The following ZNF85 variants were observed in gnomAD, a reference collection of about 807,000 sequenced individuals.
The protein encoded by ZNF85 is zinc finger protein 85 (HPF4, HTF1).
A neutral mutation model predicts 53.9 loss-of-function variants in ZNF85; 50 were observed. That is an observed-to-expected ratio of 0.93 (90% CI 0.74 to 1.17). The LOEUF (loss-of-function observed/expected upper bound fraction) is 1.17. Ranked by LOEUF, ZNF85 falls within the 50% of genes most tolerant of loss-of-function variation. The pLI, the probability that ZNF85 is intolerant of heterozygous loss-of-function variation, is 0.00. For missense variants in ZNF85, 747 were observed against 688.5 expected (o/e 1.08, Z -0.95); for synonymous variants, 225 against 226.1 (o/e 1.00, Z 0.04).
At chr19:20,943,122 C>T (rs1390788278) in intron 3 of ZNF85, 2 of 375,416 alleles carry the variant, frequency 5.3e-6, no homozygotes, top group Non-Finnish European at 9.4e-6. Context: ...TAACAGAATA[C>T]ACAAGGTGCA....
chr19:20,939,633 T>C (rs1221563582), intron 3 of ZNF85, among the ~76,000 whole-genome samples: 1 of 152,198 alleles, frequency 6.6e-6, no homozygotes, highest in Non-Finnish European at 1.5e-5. Context: ...TGCAATTCTG[T>C]ATGTACACGT....
intron 3 of ZNF85, among the ~76,000 whole-genome samples, chr19:20,942,099 CTTTG>C (rs548196356): frequency 1.9e-3 from 283 of 151,804 alleles, no homozygotes; most frequent in Non-Finnish European, 3.0e-3. Flanking sequence ...CTACTCTGTT[CTTTG>C]TTTATCTGTT....
In ZNF85 at chr19:20,948,770, C is replaced by G. The variant is rs1273775236; in HGVS notation, c.256C>G (p.Leu86Val). ...TVMCSHFAQD[L>V]WPEQNIKDSF... ...TATGTGTTCTCATTTTGCCCAAGAC[C>G]TTTGGCCGGAGCAGAATATAAAAGA... The change falls in exon 4 of 4, where the codon CTT becomes GTT. Residue 86 changes from leucine (L) to valine (V), a missense_variant. By Grantham distance (32) the Leu-to-Val change is conservative. Coordinates refer to ENST00000328178, the MANE Select transcript of ZNF85 (RefSeq NM_003429.5). 14 of 1,581,844 alleles carry G rather than the reference C, an allele frequency of 8.9e-6. No homozygotes were observed. The African/African-American group carries it at 1.8e-4, about 20-fold the overall frequency.
chr19:20,930,096 G>C (rs1411580604), intron 1 of ZNF85, among the ~76,000 whole-genome samples: 1 of 143,202 alleles, frequency 7.0e-6, no homozygotes, highest in Non-Finnish European at 1.5e-5. Context: ...ACTCCAGCCT[G>C]GGTGACAGAG....
intron 1 of ZNF85, 96 bp downstream of exon 1, chr19:20,923,499 C>T (rs1972806372): frequency 6.3e-7 from 1 of 1,586,404 alleles, no homozygotes; most frequent in South Asian, 1.1e-5. Flanking sequence ...CTGTAGTCAG[C>T]TCCACAATCT....
chr19:20,938,870 GTGTGTGTA>G (rs1424683857), intron 3 of ZNF85, among the ~76,000 whole-genome samples: 5 of 135,212 alleles, frequency 3.7e-5, no homozygotes, highest in African/African-American at 8.3e-5. Context: ...GTGTGTGTGT[GTGTGTGTA>G]TATATATGTG....
intron 3 of ZNF85, among the ~76,000 whole-genome samples, chr19:20,946,098 A>G (rs1348041002): frequency 6.7e-6 from 1 of 150,052 alleles, no homozygotes; most frequent in East Asian, 2.0e-4. Context: ...GATTCCATAT[A>G]CTTCTGAGGT....
At chr19:20,947,463 G>A (rs10454115) in intron 3 of ZNF85, among the ~76,000 whole-genome samples, 16,078 of 114,228 alleles carry the variant, frequency 0.14, 967 homozygotes, top group Middle Eastern at 0.21. Flanking sequence ...TCTTTGATAT[G>A]TAGGGCATAT....
intron 3 of ZNF85, among the ~76,000 whole-genome samples, chr19:20,940,987 T>C (rs1224425623): frequency 6.6e-6 from 1 of 152,194 alleles, no homozygotes; most frequent in East Asian, 1.9e-4. Flanking sequence ...TCCCAGGTTC[T>C]GTGTTGCATA....
In ZNF85 at chr19:20,950,333, A is replaced by G. The variant is rs767919394; in HGVS notation, c.*31A>G. The G allele has an allele frequency of 2.8e-6, 4 of 1,444,524 alleles. No individual in the cohort carries two copies. The highest frequency in any genetic ancestry group is 2.3e-5 in the East Asian group (1 of 43,188). 89.5% of individuals were successfully genotyped at this position (1,444,524 alleles called of 1,614,324 possible). A position where few individuals can be genotyped will look rare whatever the true frequency, so the allele number is the denominator to read the frequency against. ...ATGGCAAAGCTTTAATCAATTTACA[A>G]GTCTTACTAAACATAAGAAAATTTA... On this transcript the variant is annotated 3_prime_UTR_variant, in exon 4 of 4. Coordinates refer to ENST00000328178, the MANE Select transcript of ZNF85 (RefSeq NM_003429.5).
intron 1 of ZNF85, among the ~76,000 whole-genome samples, chr19:20,929,201 T>A (rs1375101581): frequency 6.6e-6 from 1 of 151,860 alleles, no homozygotes; most frequent in East Asian, 1.9e-4. Context: ...TTTTTTTTTT[T>A]TGTTTGAGAC....
At chr19:20,929,179 T>C (rs1356820418) in intron 1 of ZNF85, among the ~76,000 whole-genome samples, 1 of 150,670 alleles carries the variant, frequency 6.6e-6, no homozygotes, top group Non-Finnish European at 1.5e-5. Context: ...AGACAAAAAC[T>C]GATCTCTTCT....
chr19:20,925,749 C>T (rs895343205), intron 1 of ZNF85, among the ~76,000 whole-genome samples: 11 of 152,124 alleles, frequency 7.2e-5, no homozygotes, highest in Admixed American at 3.3e-4. Flanking sequence ...AGTGATTGAA[C>T]GGCCTGACTT....
intron 1 of ZNF85, among the ~76,000 whole-genome samples, chr19:20,933,768 C>T (rs573693503): frequency 6.6e-6 from 1 of 152,036 alleles, no homozygotes; most frequent in Non-Finnish European, 1.5e-5. Flanking sequence ...CATGTATACA[C>T]TGGTATTGTG....
At chr19:20,943,144 T>C (rs1973338895) in intron 3 of ZNF85, 1 of 339,526 alleles carries the variant, frequency 2.9e-6, no homozygotes, top group Non-Finnish European at 5.3e-6. Context: ...ATAAGAATGT[T>C]GTGTATTCTC....
At chr19:20,931,677 G>A (rs536974664) in intron 1 of ZNF85, among the ~76,000 whole-genome samples, 18 of 137,102 alleles carry the variant, frequency 1.3e-4, no homozygotes, top group Non-Finnish European at 2.1e-4. Context: ...GTGCAATCTC[G>A]GCTTACTGCA....
chr19:20,935,083 C>G, intron 3 of ZNF85, 36 bp downstream of exon 3: 1 of 1,439,758 alleles, frequency 6.9e-7, no homozygotes, highest in South Asian at 1.2e-5. Context: ...GCAGATGACA[C>G]ATGAGAGGTC....
In ZNF85 at chr19:20,948,758, T is replaced by A. The variant is rs1973481757; in HGVS notation, c.244T>A (p.Phe82Ile). 6.4e-7 allele frequency: 1 copy of A among 1,557,420 alleles called. No individual in the cohort carries two copies. Among genetic ancestry groups the A allele is most frequent in the Non-Finnish European group, 8.7e-7 (1 of 1,155,668 alleles). Residue 82 changes from phenylalanine to isoleucine, a missense_variant, in exon 4 of 4, where the codon TTT (phenylalanine) becomes ATT (isoleucine). Coordinates refer to ENST00000328178, the MANE Select transcript of ZNF85 (RefSeq NM_003429.5). Reference sequence around the variant, plus strand: ...GTTTCTTTCAGTTATGTGTTCTCATTTTGCCCAAGACCTTTGGCCGGAGCA... The same window carrying A: ...GTTTCTTTCAGTTATGTGTTCTCATATTGCCCAAGACCTTTGGCCGGAGCA... Reference protein sequence around the residue: ...VAKPTVMCSHFAQDLWPEQNI... With the variant: ...VAKPTVMCSHIAQDLWPEQNI...
rs992035897 is a variant in ZNF85, at chr19:20,949,010, A to G, written c.496A>G (p.Ile166Val). Residue 166 changes from isoleucine to valine, a missense_variant, in exon 4 of 4, where the codon ATA becomes GTA. Transcript: ENST00000328178. ...ATTTTCAAATTCAAACAGACATGAG[A>G]TAAGACATACTAAAAAGAAACCTTT... ...HKFSNSNRHE[I>V]RHTKKKPFKC... 1 of 1,613,806 alleles carries G rather than the reference A, an allele frequency of 6.2e-7. No individual in the cohort carries two copies.
Sources: allele counts gnomAD v4.1 joint callset (sites outside exome capture counted in the v4.1 genomes callset), GRCh38; gene constraint gnomAD v4.1.1; transcripts MANE v1.5; gene names NCBI Gene and HGNC (gene_info 2026-07-23, HGNC 2026-07-21).